Variants in MARCHF3 observed in about 807,000 individuals in gnomAD.
The protein encoded by MARCHF3 is E3 ubiquitin-protein ligase MARCHF3.
In MARCHF3, 13 loss-of-function variants were observed where a neutral mutation model predicts 24.2. The observed-to-expected ratio is 0.54, with a 90% CI of 0.35 to 0.85. The LOEUF (loss-of-function observed/expected upper bound fraction) is 0.85, where lower values mean the gene tolerates loss of function less well. Ranked by LOEUF, MARCHF3 falls within the 40% of genes least tolerant of loss-of-function variation. MARCHF3 has a pLI of 0.01. For missense variants in MARCHF3, 276 were observed against 325.0 expected, an observed-to-expected ratio of 0.85 and a Z score of 1.16; for synonymous variants, 144 against 137.3, an observed-to-expected ratio of 1.05 and a Z score of -0.34.
At chr5:126,890,258 CTT>C (rs755211295) in intron 3 of MARCHF3, among the ~76,000 whole-genome samples, 5 of 143,824 alleles carry the variant, frequency 3.5e-5, no homozygotes, top group Non-Finnish European at 1.5e-5. Flanking sequence ...AAAAGACATA[CTT>C]TTTTTTTTTT....
intron 1 of MARCHF3, among the ~76,000 whole-genome samples, chr5:127,014,883 GT>G (rs1752585656): frequency 1.3e-5 from 2 of 152,274 alleles, no homozygotes; most frequent in African/African-American, 4.8e-5. Flanking sequence ...ACAAGTTCTA[GT>G]TTTATAGCAC....
At chr5:126,906,342 G>C (rs1754295866) in intron 3 of MARCHF3, among the ~76,000 whole-genome samples, 4 of 152,202 alleles carry the variant, frequency 2.6e-5, no homozygotes, top group Admixed American at 2.6e-4. Context: ...AAATGAGTTA[G>C]GGAGGATTCC....
chr5:126,994,340 G>A (rs924351511), intron 1 of MARCHF3, among the ~76,000 whole-genome samples: 1 of 152,220 alleles, frequency 6.6e-6, no homozygotes, highest in Admixed American at 6.5e-5. Context: ...AGTGGCCAGA[G>A]GCTGGAGGTG....
intron 1 of MARCHF3, among the ~76,000 whole-genome samples, chr5:126,919,891 C>G (rs1248523863): frequency 1.3e-5 from 2 of 152,332 alleles, no homozygotes; most frequent in Non-Finnish European, 2.9e-5. Flanking sequence ...GCTGTGGACT[C>G]CAGTCCTTGT....
At chr5:126,900,330 C>T (rs1433808021) in intron 3 of MARCHF3, among the ~76,000 whole-genome samples, 1 of 152,062 alleles carries the variant, frequency 6.6e-6, no homozygotes, top group Non-Finnish European at 1.5e-5. Context: ...ATTTTGAAAT[C>T]CTAACCCTCA....
intron 1 of MARCHF3, among the ~76,000 whole-genome samples, chr5:126,926,140 A>C (rs1749290192): frequency 6.6e-6 from 1 of 152,202 alleles, no homozygotes; most frequent in South Asian, 2.1e-4. Context: ...TAAGCAAACC[A>C]GTATTAGCTA....
intron 1 of MARCHF3, among the ~76,000 whole-genome samples, chr5:126,956,671 A>T (rs1446546655): frequency 7.0e-6 from 1 of 143,234 alleles, no homozygotes; most frequent in Non-Finnish European, 1.5e-5. Flanking sequence ...AAAAAAAAAA[A>T]CCAAAAAAAC....
Position 126,898,295 on chromosome 5 carries a change from A to G in MARCHF3, c.393+16635T>C, listed in dbSNP as rs554222336. Among the ~76,000 whole-genome samples, 619 of 152,144 alleles carry G rather than the reference A, an allele frequency of 4.1e-3. 5 individuals are homozygous for G. Among genetic ancestry groups the G allele is most frequent in the African/African-American group, 0.015 (606 of 41,480 alleles). On this transcript the variant is annotated intron_variant, in intron 3 of 4. Coordinates refer to ENST00000308660, the MANE Select transcript of MARCHF3 (RefSeq NM_178450.5). The stretch of plus-strand genomic sequence containing the variant: ...AAGAAAAATCTGAAGTATCCTATAG[A>G]TTTCTCTAAGGAAACCCTCCATCTT...
chr5:126,894,115 C>A (rs1753790178), intron 3 of MARCHF3, among the ~76,000 whole-genome samples: 1 of 138,450 alleles, frequency 7.2e-6, no homozygotes, highest in Non-Finnish European at 1.5e-5. Flanking sequence ...ATTGCAACCC[C>A]TGCCTTTTTT....
At chr5:126,935,555 A>C (rs1225598098) in intron 1 of MARCHF3, among the ~76,000 whole-genome samples, 1 of 150,984 alleles carries the variant, frequency 6.6e-6, no homozygotes, top group Non-Finnish European at 1.5e-5. Flanking sequence ...CTAACAGAGC[A>C]GAAAACACCA....
chr5:126,951,096 A>G (rs990986227), intron 1 of MARCHF3, among the ~76,000 whole-genome samples: 2 of 152,138 alleles, frequency 1.3e-5, no homozygotes, highest in South Asian at 2.1e-4. Flanking sequence ...TAGTTATTCC[A>G]TGTTGCTAAA....
At chr5:126,892,085 T>C (rs1753711229) in intron 3 of MARCHF3, among the ~76,000 whole-genome samples, 1 of 151,944 alleles carries the variant, frequency 6.6e-6, no homozygotes, top group East Asian at 1.9e-4. Context: ...TTTGGCTCTC[T>C]GTTTGTCTGT....
At chr5:126,982,470 G>A (rs1751424653) in intron 1 of MARCHF3, among the ~76,000 whole-genome samples, 1 of 152,182 alleles carries the variant, frequency 6.6e-6, no homozygotes, top group Non-Finnish European at 1.5e-5. Flanking sequence ...AACACTACTG[G>A]AGGGGAAGCT....
intron 1 of MARCHF3, among the ~76,000 whole-genome samples, chr5:126,985,099 G>A (rs1751518861): frequency 6.6e-6 from 1 of 152,156 alleles, no homozygotes; most frequent in Non-Finnish European, 1.5e-5. Context: ...CAGAACAATG[G>A]TGAATGGACC....
At chr5:126,928,663 T>C (rs1749378224) in intron 1 of MARCHF3, among the ~76,000 whole-genome samples, 1 of 152,182 alleles carries the variant, frequency 6.6e-6, no homozygotes, top group South Asian at 2.1e-4. Flanking sequence ...ATATATCTTA[T>C]CCCAATCTAA....
At chr5:126,942,241 GT>G (rs1368664040) in intron 1 of MARCHF3, among the ~76,000 whole-genome samples, 1 of 152,130 alleles carries the variant, frequency 6.6e-6, no homozygotes, top group East Asian at 1.9e-4. Context: ...TAGGTCAGGA[GT>G]CAGCAAACCT....
At chr5:126,995,849 CCTA>C (rs1420759849) in intron 1 of MARCHF3, among the ~76,000 whole-genome samples, 1 of 152,204 alleles carries the variant, frequency 6.6e-6, no homozygotes, top group Non-Finnish European at 1.5e-5. Flanking sequence ...TTCTACTAGA[CCTA>C]CTCAGATAAC....
chr5:126,874,089 G>C (rs937237605), intron 4 of MARCHF3, among the ~76,000 whole-genome samples: 17 of 152,074 alleles, frequency 1.1e-4, no homozygotes, highest in African/African-American at 3.9e-4. Flanking sequence ...GAGAGTATAG[G>C]GCCACTATTA....
chr5:126,933,394 A>T (rs1749536588), intron 1 of MARCHF3, among the ~76,000 whole-genome samples: 1 of 152,038 alleles, frequency 6.6e-6, no homozygotes, highest in Non-Finnish European at 1.5e-5. Flanking sequence ...CACTATGGCA[A>T]ATTCAATAAC....
Sources: gnomAD v4.1 joint callset for allele counts (sites outside exome capture counted in the v4.1 genomes callset) on GRCh38, gnomAD v4.1.1 for gene constraint, MANE v1.5 for transcripts, NCBI Gene and HGNC (gene_info 2026-07-23, HGNC 2026-07-21) for gene names.